The following NUDT3 variants were observed in gnomAD, a reference collection of about 807,000 sequenced individuals.
NUDT3 encodes the protein nudix hydrolase 3.
Under a neutral mutation model 23.6 loss-of-function variants are expected in NUDT3, and 9 were observed. The ratio of observed to expected loss-of-function variants is 0.38; its 90% CI spans 0.23 to 0.66. NUDT3 has a LOEUF of 0.66. NUDT3 is among the 30% of genes least tolerant of loss of function. The pLI is 0.52. For synonymous variants in NUDT3, 86 were observed against 82.6 expected, an observed-to-expected ratio of 1.04 and a Z score of -0.22; for missense variants, 172 against 218.5, an observed-to-expected ratio of 0.79 and a Z score of 1.34.
At chr6:34,362,098 TG>T (rs1764660022) in intron 1 of NUDT3, among the ~76,000 whole-genome samples, 1 of 152,212 alleles carries the variant, frequency 6.6e-6, no homozygotes, top group Non-Finnish European at 1.5e-5. Flanking sequence ...AGGGGACCTA[TG>T]GGAACTCTGT....
At chr6:34,309,869 G>A (rs1763744679) in intron 2 of NUDT3, among the ~76,000 whole-genome samples, 1 of 152,088 alleles carries the variant, frequency 6.6e-6, no homozygotes, top group African/African-American at 2.4e-5. Context: ...TGGAAAGGTA[G>A]AATCTGTCAA....
chr6:34,359,594 TATCACCACCTC>T, intron 1 of NUDT3, among the ~76,000 whole-genome samples: 6 of 152,362 alleles, frequency 3.9e-5, no homozygotes, highest in Admixed American at 3.9e-4. Flanking sequence ...TTGTAGCATG[TATCACCACCTC>T]ATTCCTTATA....
rs1282424167 is a variant in NUDT3, at chr6:34,392,607, TCTGCCGCCGCCACCC to T, written c.-260_-246del. On this transcript the variant is annotated 5_prime_UTR_variant, in exon 1 of 5. Transcript: ENST00000607016. ...CGCTGCCGCCAGGGCCGCCGCCCCCTCTGCCGCCGCCACCCCCGACGACGACCGCGCCGCCATCTT... is the reference window on the plus strand; with the variant it reads ...CGCTGCCGCCAGGGCCGCCGCCCCCTCCGACGACGACCGCGCCGCCATCTT... 7.0e-6 allele frequency: 2 copies of T among 286,440 alleles called. No individual in the cohort carries two copies. 17.7% of individuals were successfully genotyped at this position (286,440 alleles called of 1,614,324 possible).
At chr6:34,390,953 G>A (rs937401532) in intron 1 of NUDT3, among the ~76,000 whole-genome samples, 7 of 152,136 alleles carry the variant, frequency 4.6e-5, no homozygotes, top group Non-Finnish European at 1.0e-4. Context: ...CTATTACAAT[G>A]CATCTGTTTT....
At position 34,288,789 on chromosome 6, in the gene NUDT3, C is replaced by G. The variant is rs754654969; in HGVS notation, c.483G>C (p.Ser161=). 6.2e-7 allele frequency: 1 copy of G among 1,613,210 alleles called. No individual in the cohort carries two copies. Among genetic ancestry groups the G allele is most frequent in the Non-Finnish European group, 8.5e-7 (1 of 1,179,734 alleles). The change falls in exon 5 of 5, where the codon TCG becomes TCC. Residue 161 remains serine (S), a synonymous_variant. Coordinates refer to ENST00000607016, the MANE Select transcript of NUDT3 (RefSeq NM_006703.4). ...CTGACATCGAGCTCTGAGCAGAAAC[C>G]GAGTATGTGGTGGCCACGACTGGGG... ...NGTPVVATTY[S]VSAQSSMSGI...
intron 2 of NUDT3, among the ~76,000 whole-genome samples, chr6:34,298,496 A>G (rs1763548946): frequency 6.7e-6 from 1 of 149,284 alleles, no homozygotes; most frequent in South Asian, 2.1e-4. Flanking sequence ...ACCTATTTGA[A>G]ATAGACACAA....
At chr6:34,388,757 C>T (rs558865530) in intron 1 of NUDT3, among the ~76,000 whole-genome samples, 1 of 152,232 alleles carries the variant, frequency 6.6e-6, no homozygotes, top group African/African-American at 2.4e-5. Flanking sequence ...TTAATACATG[C>T]TTTTTGTTGT....
intron 1 of NUDT3, among the ~76,000 whole-genome samples, chr6:34,362,960 C>A (rs752649493): frequency 6.6e-6 from 1 of 152,160 alleles, no homozygotes; most frequent in Non-Finnish European, 1.5e-5. Context: ...CACTAGCTAC[C>A]ATGAGCTAAC....
intron 1 of NUDT3, among the ~76,000 whole-genome samples, chr6:34,351,201 A>AG (rs1764463968): frequency 9.4e-6 from 1 of 106,542 alleles, no homozygotes; most frequent in Non-Finnish European, 1.8e-5. Context: ...CCCTGCCTAA[A>AG]AAAAAAAAAA....
chr6:34,389,438 A>G (rs1765159897), intron 1 of NUDT3, among the ~76,000 whole-genome samples: 3 of 152,216 alleles, frequency 2.0e-5, no homozygotes, highest in Admixed American at 2.0e-4. Context: ...TAAATTACTC[A>G]GTCTCAGGTA....
intron 1 of NUDT3, among the ~76,000 whole-genome samples, chr6:34,351,078 G>A (rs1026375535): frequency 2.2e-4 from 33 of 148,094 alleles, no homozygotes; most frequent in Middle Eastern, 6.8e-3. Flanking sequence ...GGCCAGGCGC[G>A]GTGGCTCACC....
chr6:34,346,599 CTA>C (rs1764374385), intron 1 of NUDT3, among the ~76,000 whole-genome samples: 1 of 152,138 alleles, frequency 6.6e-6, no homozygotes, highest in Admixed American at 6.5e-5. Flanking sequence ...TCAGCCATGA[CTA>C]TATGAACTAG....
intron 1 of NUDT3, among the ~76,000 whole-genome samples, chr6:34,363,305 G>C (rs1764677162): frequency 6.6e-6 from 1 of 152,152 alleles, no homozygotes; most frequent in African/African-American, 2.4e-5. Flanking sequence ...GATTACCTGG[G>C]TTCCTTTGCA....
chr6:34,378,584 T>C (rs1257788610), intron 1 of NUDT3, among the ~76,000 whole-genome samples: 2 of 152,194 alleles, frequency 1.3e-5, no homozygotes, highest in African/African-American at 2.4e-5. Flanking sequence ...TCTTAGAAGA[T>C]AGGCCCACAC....
chr6:34,348,300 C>A (rs550797985), intron 1 of NUDT3, among the ~76,000 whole-genome samples: 22 of 151,348 alleles, frequency 1.5e-4, no homozygotes, highest in African/African-American at 4.9e-4. Context: ...AAAACAAAAG[C>A]AACAACAGAA....
At chr6:34,305,488 G>T (rs1415040718) in intron 2 of NUDT3, among the ~76,000 whole-genome samples, 1 of 151,878 alleles carries the variant, frequency 6.6e-6, no homozygotes, top group East Asian at 1.9e-4. Flanking sequence ...TATTTTATTA[G>T]ACAAATAAAA....
At chr6:34,300,597 A>G (rs1000099505) in intron 2 of NUDT3, among the ~76,000 whole-genome samples, 2 of 152,228 alleles carry the variant, frequency 1.3e-5, no homozygotes, top group Admixed American at 1.3e-4. Context: ...TCAAGTGGGG[A>G]TGTGAAAGCT....
chr6:34,338,985 G>A lies in NUDT3; in HGVS notation c.210+2877C>T, dbSNP rs180919852. On this transcript the variant is annotated intron_variant, in intron 2 of 4. Transcript: ENST00000607016. ...CAAGAAACACAGGCCAAGGTTCCAA[G>A]AACAATTCTTAAAACCACATTGCAG... 1.2e-4 allele frequency among the ~76,000 whole-genome samples: 18 copies of A among 152,314 alleles called. No individual in the cohort carries two copies. The South Asian group carries it at 3.5e-3, about 30-fold the overall frequency.
At chr6:34,362,243 C>T (rs1764661867) in intron 1 of NUDT3, among the ~76,000 whole-genome samples, 1 of 152,222 alleles carries the variant, frequency 6.6e-6, no homozygotes, top group East Asian at 1.9e-4. Context: ...AAAGGTCCTG[C>T]TCTGTACCTC....
Sources: gnomAD v4.1 joint callset for allele counts (sites outside exome capture counted in the v4.1 genomes callset) on GRCh38, gnomAD v4.1.1 for gene constraint, MANE v1.5 for transcripts, NCBI Gene and HGNC (gene_info 2026-07-23, HGNC 2026-07-21) for gene names.